CCDC148: variants seen among roughly 807,000 people sequenced by gnomAD.
The protein encoded by CCDC148 is coiled-coil domain-containing protein 148.
In CCDC148, 89 loss-of-function variants were observed where a neutral mutation model predicts 85.7. That is an observed-to-expected ratio of 1.04 (90% CI 0.87 to 1.24). The LOEUF (loss-of-function observed/expected upper bound fraction) is 1.24. Among genes scored for constraint, CCDC148 ranks in the 50% most tolerant of loss-of-function variants. The pLI is 0.00. For missense variants in CCDC148, 692 were observed against 671.7 expected (o/e 1.03, Z -0.33); for synonymous variants, 230 against 213.9 (o/e 1.08, Z -0.66).
intron 10 of CCDC148, among the ~76,000 whole-genome samples, chr2:158,249,991 T>C (rs943656996): frequency 6.6e-6 from 1 of 152,138 alleles, no homozygotes; most frequent in Non-Finnish European, 1.5e-5. Context: ...CACAAATTAA[T>C]TGACTTTTTG....
At chr2:158,428,826 C>T (rs901257604) in intron 1 of CCDC148, among the ~76,000 whole-genome samples, 1 of 152,008 alleles carries the variant, frequency 6.6e-6, no homozygotes, top group Admixed American at 6.6e-5. Context: ...ACTATAAAGA[C>T]ACATGCACAC....
At position 158,323,776 on chromosome 2, in the gene CCDC148, G is replaced by C. The variant is rs370221381; in HGVS notation, c.765-9882C>G. 4.6e-5 allele frequency among the ~76,000 whole-genome samples: 7 copies of C among 152,152 alleles called. No individual in the cohort carries two copies. In the South Asian group the frequency reaches 8.3e-4, roughly 18 times the overall value. On this transcript the variant is annotated intron_variant, in intron 7 of 13. Transcript: ENST00000283233. ...GGGTTAAAATCATTTGTATTTATCA[G>C]ATCATGTAATAGGTACTTATTAAAT...
At chr2:158,266,539 T>C (rs1226508099) in intron 9 of CCDC148, among the ~76,000 whole-genome samples, 1 of 152,114 alleles carries the variant, frequency 6.6e-6, no homozygotes, top group Non-Finnish European at 1.5e-5. Context: ...AGTTCTTTAG[T>C]GGTGATTTGT....
intron 10 of CCDC148, among the ~76,000 whole-genome samples, chr2:158,234,209 T>C (rs1275624976): frequency 6.6e-6 from 1 of 151,836 alleles, no homozygotes; most frequent in Non-Finnish European, 1.5e-5. Flanking sequence ...AGAATTACCA[T>C]CCAGGGCATT....
intron 2 of CCDC148, among the ~76,000 whole-genome samples, chr2:158,351,265 C>T (rs1270839396): frequency 6.6e-6 from 1 of 152,218 alleles, no homozygotes; most frequent in Admixed American, 6.5e-5. Context: ...CTCCGGTCTA[C>T]AGCTCCCAGC....
intron 10 of CCDC148, among the ~76,000 whole-genome samples, chr2:158,239,600 ATAAGT>A (rs1688263213): frequency 6.6e-6 from 1 of 152,286 alleles, no homozygotes; most frequent in African/African-American, 2.4e-5. Context: ...ATTTAAATTA[ATAAGT>A]TAATTTAATA....
At chr2:158,189,470 C>T (rs1268126864) in intron 11 of CCDC148, among the ~76,000 whole-genome samples, 1 of 151,822 alleles carries the variant, frequency 6.6e-6, no homozygotes, top group Non-Finnish European at 1.5e-5. Flanking sequence ...TAATTTCCCA[C>T]AGGAAGTTAA....
rs200395945 is a variant in CCDC148, at chr2:158,385,014, TC to T, written c.26-26445del. On this transcript the variant is annotated intron_variant, in intron 1 of 13. Coordinates refer to ENST00000283233, the MANE Select transcript of CCDC148 (RefSeq NM_138803.4). ...TTACTTGCAGCTATTGGACTGAAGG[TC>T]CCCCCACTTCCTTGCTCACCATCAG... Among the ~76,000 whole-genome samples the T allele has an allele frequency of 3.5e-3, 540 of 152,170 alleles. 1 individual carries two copies. Among genetic ancestry groups the T allele is most frequent in the African/African-American group, 0.012 (504 of 41,548 alleles).
intron 1 of CCDC148, among the ~76,000 whole-genome samples, chr2:158,386,387 G>A (rs7574153): frequency 0.052 from 7,888 of 152,080 alleles, 375 homozygotes; most frequent in African/African-American, 0.12. Flanking sequence ...ACCAAGAAAT[G>A]TTCATAATTA....
intron 9 of CCDC148, among the ~76,000 whole-genome samples, chr2:158,263,994 G>C (rs560912732): frequency 1.4e-4 from 21 of 151,842 alleles, no homozygotes; most frequent in Admixed American, 4.6e-4. Context: ...TCAAAGGTCT[G>C]ATATTTCCTT....
At chr2:158,334,600 AAT>A (rs1693325993) in intron 7 of CCDC148, among the ~76,000 whole-genome samples, 1 of 125,350 alleles carries the variant, frequency 8.0e-6, no homozygotes. Context: ...CACTGAGTCG[AAT>A]AGAATGAAGA....
intron 13 of CCDC148, 29 bp from the exon 14 acceptor site, chr2:158,172,288 A>G (rs2222390): frequency 1 from 1,507,884 of 1,511,824 alleles, 752,069 homozygotes; most frequent in East Asian, 1. Context: ...AATTTAAATA[A>G]CAATTCATTG....
intron 3 of CCDC148, among the ~76,000 whole-genome samples, chr2:158,344,757 A>G (rs1230668409): frequency 1.3e-5 from 2 of 152,164 alleles, no homozygotes; most frequent in Non-Finnish European, 2.9e-5. Context: ...ATCATTTGCA[A>G]CTTGAACTCC....
intron 9 of CCDC148, among the ~76,000 whole-genome samples, chr2:158,265,035 G>C (rs1040318025): frequency 6.6e-6 from 1 of 152,022 alleles, no homozygotes; most frequent in Non-Finnish European, 1.5e-5. Context: ...GTTTCTTAAA[G>C]GAATAGCTAT....
intron 9 of CCDC148, among the ~76,000 whole-genome samples, chr2:158,297,789 A>G (rs1691259354): frequency 6.6e-6 from 1 of 152,180 alleles, no homozygotes; most frequent in Non-Finnish European, 1.5e-5. Flanking sequence ...CTCTGGCACA[A>G]TTGGGAAGTT....
intron 11 of CCDC148, among the ~76,000 whole-genome samples, chr2:158,179,643 C>A (rs568951832): frequency 6.6e-6 from 1 of 152,002 alleles, no homozygotes; most frequent in Non-Finnish European, 1.5e-5. Flanking sequence ...CTTTAGCACA[C>A]CTTGGGTTGT....
chr2:158,381,952 C>T (rs1374364333), intron 1 of CCDC148, among the ~76,000 whole-genome samples: 1 of 152,130 alleles, frequency 6.6e-6, no homozygotes, highest in Admixed American at 6.6e-5. Flanking sequence ...GAAACTGAAT[C>T]CCCAACGTGT....
In CCDC148 at chr2:158,243,485, C is replaced by G. The variant is rs572573448; in HGVS notation, c.1251+7287G>C. Reference sequence around the variant, plus strand: ...TGGATTTTTTGGGAATTCACTACCTCAGACAAAAGCTATACCACAATCTTT... The same window carrying G: ...TGGATTTTTTGGGAATTCACTACCTGAGACAAAAGCTATACCACAATCTTT... On this transcript the variant is annotated intron_variant, in intron 10 of 13. Coordinates refer to ENST00000283233, the MANE Select transcript of CCDC148 (RefSeq NM_138803.4). Among the ~76,000 whole-genome samples the G allele has an allele frequency of 1.2e-4, 18 of 152,274 alleles. No individual in the cohort carries two copies. In the South Asian group the frequency reaches 3.7e-3, roughly 32 times the overall value.
Position 158,192,380 on chromosome 2 carries a change from G to T in CCDC148, c.1371-13384C>A, listed in dbSNP as rs1050168189. Reference sequence around the variant, plus strand: ...TTTGTAAACTTTAGTCGGATGTCTGGATTATAATTAAATCTAAAACTTGGA... The same window carrying T: ...TTTGTAAACTTTAGTCGGATGTCTGTATTATAATTAAATCTAAAACTTGGA... On this transcript the variant is annotated intron_variant, in intron 11 of 13. Transcript: ENST00000283233. Among the ~76,000 whole-genome samples the T allele has an allele frequency of 9.2e-5, 14 of 152,148 alleles. No individual in the cohort carries two copies. The South Asian group carries it at 2.5e-3, about 27-fold the overall frequency.
Sources: allele counts gnomAD v4.1 joint callset (sites outside exome capture counted in the v4.1 genomes callset), GRCh38; gene constraint gnomAD v4.1.1; transcripts MANE v1.5; gene names NCBI Gene and HGNC (gene_info 2026-07-23, HGNC 2026-07-21).